The following TIAM1 variants were observed in gnomAD, a reference collection of about 807,000 sequenced individuals.
TIAM1 encodes rho guanine nucleotide exchange factor TIAM1.
In TIAM1, 65 loss-of-function variants were observed where a neutral mutation model predicts 163.5. That is an observed-to-expected ratio of 0.40 (90% CI 0.33 to 0.49). The LOEUF (loss-of-function observed/expected upper bound fraction) is 0.49, where lower values mean the gene tolerates loss of function less well. TIAM1 is among the 20% of genes least tolerant of loss of function. The pLI is 0.77. For missense variants in TIAM1, 1,789 were observed against 2,044.7 expected (o/e 0.87, Z 2.41); for synonymous variants, 833 against 810.1 (o/e 1.03, Z -0.48).
intron 6 of TIAM1, among the ~76,000 whole-genome samples, chr21:31,236,639 T>C (rs2088783106): frequency 6.6e-6 from 1 of 151,750 alleles, no homozygotes; most frequent in Non-Finnish European, 1.5e-5. Context: ...GAAAAAAAAA[T>C]CTATTAAAAT....
intron 2 of TIAM1, among the ~76,000 whole-genome samples, chr21:31,368,801 T>A (rs1484655758): frequency 2.0e-5 from 3 of 152,146 alleles, no homozygotes; most frequent in Non-Finnish European, 1.5e-5. Context: ...GCGTCTAGAC[T>A]CTCTTTAGTA....
chr21:31,218,061 A>T (rs1010960986), intron 8 of TIAM1, among the ~76,000 whole-genome samples: 1 of 152,204 alleles, frequency 6.6e-6, no homozygotes, highest in Non-Finnish European at 1.5e-5. Flanking sequence ...AATGCTACAG[A>T]GCTGTTTCTG....
Position 31,238,715 on chromosome 21 carries a change from G to A in TIAM1, c.1584+6773C>T, listed in dbSNP as rs557603745. Among the ~76,000 whole-genome samples, 44 of 152,304 alleles carry A rather than the reference G, an allele frequency of 2.9e-4. 2 individuals carry two copies. In the South Asian group the frequency reaches 8.7e-3, roughly 30 times the overall value. ...CAATGAGTAGCTTAATTGTAGGAAT[G>A]AGAAAAAGCTAGTCACTTTTTACTG... On this transcript the variant is annotated intron_variant, in intron 6 of 27. Transcript: ENST00000541036.
chr21:31,292,121 G>A (rs891681899), intron 2 of TIAM1, among the ~76,000 whole-genome samples: 14 of 152,224 alleles, frequency 9.2e-5, no homozygotes, highest in African/African-American at 3.1e-4. Flanking sequence ...ATATCCCTAC[G>A]AATCACTTTC....
intron 1 of TIAM1, among the ~76,000 whole-genome samples, chr21:31,514,702 A>T (rs2047323858): frequency 2.0e-5 from 3 of 152,216 alleles, no homozygotes; most frequent in Middle Eastern, 6.8e-3. Flanking sequence ...TCAAAAAAAA[A>T]ATATTGATCT....
chr21:31,130,596 A>G (rs757082356), intron 24 of TIAM1, among the ~76,000 whole-genome samples: 1 of 152,200 alleles, frequency 6.6e-6, no homozygotes, highest in Non-Finnish European at 1.5e-5. Context: ...CAGGGGCAAC[A>G]GAGAAGGGGA....
intron 1 of TIAM1, among the ~76,000 whole-genome samples, chr21:31,520,520 T>C (rs2047544510): frequency 6.6e-6 from 1 of 152,188 alleles, no homozygotes; most frequent in Non-Finnish European, 1.5e-5. Flanking sequence ...GCATTTGTGG[T>C]ATAAACAGCA....
chr21:31,474,195 C>T (rs935058788), intron 1 of TIAM1, among the ~76,000 whole-genome samples: 3 of 152,208 alleles, frequency 2.0e-5, no homozygotes. Context: ...ACCCAAACAC[C>T]TCCTGCCAGG....
intron 4 of TIAM1, among the ~76,000 whole-genome samples, chr21:31,261,336 C>A (rs1207836148): frequency 6.7e-6 from 1 of 148,526 alleles, no homozygotes; most frequent in Non-Finnish European, 1.5e-5. Context: ...GAGCTGAAAC[C>A]TTTTCAAGCA....
intron 14 of TIAM1, among the ~76,000 whole-genome samples, chr21:31,183,179 A>G (rs2085119471): frequency 6.6e-6 from 1 of 152,248 alleles, no homozygotes; most frequent in Non-Finnish European, 1.5e-5. Context: ...GACAGTTTCA[A>G]GAACCCAATG....
chr21:31,468,520 T>C (rs1221815323), intron 1 of TIAM1, among the ~76,000 whole-genome samples: 1 of 150,732 alleles, frequency 6.6e-6, no homozygotes, highest in Non-Finnish European at 1.5e-5. Flanking sequence ...CTCAGGGCTG[T>C]AATCCCAGCA....
Position 31,141,162 on chromosome 21 carries a change from C to G in TIAM1, c.3730G>C (p.Val1244Leu). The G allele has an allele frequency of 6.2e-7, 1 of 1,614,220 alleles. No individual in the cohort carries two copies. Reference sequence around the variant, plus strand: ...TGTTCAGCAATCAGCTGGTCAAACACAGCCCCAAACTCTTCATGGATTTTC... The same window carrying G: ...TGTTCAGCAATCAGCTGGTCAAACAGAGCCCCAAACTCTTCATGGATTTTC... The part of the protein sequence containing the change: ...MQKIHEEFGA[V>L]FDQLIAEQTG... Residue 1244 changes from valine (V) to leucine (L), a missense_variant, in exon 22 of 28, where the codon GTG (valine) becomes CTG (leucine). Coordinates refer to ENST00000541036, the MANE Select transcript of TIAM1 (RefSeq NM_001353694.2). The surrounding 1 kb of genome is among the most constrained non-coding windows in gnomAD (Gnocchi z 4.7).
chr21:31,546,334 G>A (rs557362583), intron 1 of TIAM1, among the ~76,000 whole-genome samples: 7 of 152,058 alleles, frequency 4.6e-5, no homozygotes, highest in African/African-American at 7.2e-5. Context: ...GGCAGATCAC[G>A]AGGTCAGGAG....
intron 1 of TIAM1, among the ~76,000 whole-genome samples, chr21:31,525,958 C>T (rs1226637504): frequency 1.3e-5 from 2 of 150,082 alleles, no homozygotes; most frequent in African/African-American, 2.5e-5. Flanking sequence ...CGCTTGAACC[C>T]GGGAGGCAGA....
intron 13 of TIAM1, among the ~76,000 whole-genome samples, chr21:31,193,689 T>C (rs1406645128): frequency 6.6e-6 from 1 of 152,168 alleles, no homozygotes; most frequent in Admixed American, 6.5e-5. Flanking sequence ...TTCCTTTTAA[T>C]GAAAAGCAAC....
chr21:31,516,981 G>A (rs141213937), intron 1 of TIAM1, among the ~76,000 whole-genome samples: 6 of 150,350 alleles, frequency 4.0e-5, no homozygotes, highest in African/African-American at 1.5e-4. Flanking sequence ...CACAGGAGGT[G>A]GAAGTTGCAG....
Position 31,184,328 on chromosome 21 carries a change from A to T in TIAM1, c.2663-1683T>A, listed in dbSNP as rs186773008. Among the ~76,000 whole-genome samples the T allele has an allele frequency of 1.4e-3, 218 of 152,088 alleles. 1 individual carries two copies. Among genetic ancestry groups the T allele is most frequent in the Non-Finnish European group, 2.0e-3 (138 of 67,974 alleles). Reference sequence around the variant, plus strand: ...ACCATGTTAGCCAGGCTGGTCTGGAACTCCTCACCTCAGGTGATCCGCCCA... The same window carrying T: ...ACCATGTTAGCCAGGCTGGTCTGGATCTCCTCACCTCAGGTGATCCGCCCA... On this transcript the variant is annotated intron_variant, in intron 14 of 27. Transcript: ENST00000541036.
chr21:31,136,874 G>A (rs749144217), intron 22 of TIAM1, among the ~76,000 whole-genome samples: 2 of 152,186 alleles, frequency 1.3e-5, no homozygotes, highest in Non-Finnish European at 2.9e-5. Context: ...TTTCAAAGAC[G>A]ACTTTATTTC....
At chr21:31,183,096 C>T (rs1304133459) in intron 14 of TIAM1, among the ~76,000 whole-genome samples, 1 of 152,176 alleles carries the variant, frequency 6.6e-6, no homozygotes, top group Non-Finnish European at 1.5e-5. Context: ...TTCCAAGGAA[C>T]CAAAATGCAG....
Sources: allele counts gnomAD v4.1 joint callset (sites outside exome capture counted in the v4.1 genomes callset), GRCh38; gene constraint gnomAD v4.1.1; non-coding constraint Gnocchi (gnomAD v3.1); transcripts MANE v1.5; gene names NCBI Gene and HGNC (gene_info 2026-07-23, HGNC 2026-07-21).